The following CTDSPL variants were observed in gnomAD, a reference collection of about 807,000 sequenced individuals.
CTDSPL encodes the protein CTD small phosphatase-like protein.
A neutral mutation model predicts 30.5 loss-of-function variants in CTDSPL; 8 were observed. That is an observed-to-expected ratio of 0.26 (90% confidence interval 0.15 to 0.47). The LOEUF is 0.47. Ranked by LOEUF, CTDSPL falls within the 20% of genes least tolerant of loss-of-function variation. CTDSPL has a pLI of 0.99. For synonymous variants in CTDSPL, 110 were observed against 137.9 expected (o/e 0.80, Z 1.42); for missense variants, 248 against 366.1 (o/e 0.68, Z 2.63).
intron 2 of CTDSPL, among the ~76,000 whole-genome samples, chr3:37,952,708 A>G (rs955984281): frequency 6.6e-6 from 1 of 152,242 alleles, no homozygotes; most frequent in Non-Finnish European, 1.5e-5. Context: ...CATTTGTCAC[A>G]TGGCTATCCA....
In CTDSPL at chr3:37,919,397, T is replaced by C. The variant is rs953118625; in HGVS notation, c.80-27660T>C. Among the ~76,000 whole-genome samples, 8 of 152,264 alleles carry C rather than the reference T, an allele frequency of 5.3e-5. No individual in the cohort carries two copies. In the East Asian group the frequency reaches 1.5e-3, roughly 29 times the overall value. Reference sequence around the variant, plus strand: ...CAGCTTTCCCTTCTCAGAAAAACAGTATTGGAATTTTGCCTCAAGTTGATT... The same window carrying C: ...CAGCTTTCCCTTCTCAGAAAAACAGCATTGGAATTTTGCCTCAAGTTGATT... On this transcript the variant is annotated intron_variant, in intron 1 of 7. Transcript: ENST00000273179.
At chr3:37,931,573 C>A (rs1180347162) in intron 1 of CTDSPL, among the ~76,000 whole-genome samples, 1 of 152,060 alleles carries the variant, frequency 6.6e-6, no homozygotes, top group African/African-American at 2.4e-5. Context: ...TCTTACAGTT[C>A]TTTTGTTCTT....
At chr3:37,865,848 T>A (rs1698003215) in intron 1 of CTDSPL, among the ~76,000 whole-genome samples, 1 of 152,074 alleles carries the variant, frequency 6.6e-6, no homozygotes, top group South Asian at 2.1e-4. Context: ...TTGCTGATGT[T>A]TAATTGGCCA....
At chr3:37,920,753 T>C (rs1698702928) in intron 1 of CTDSPL, among the ~76,000 whole-genome samples, 1 of 152,272 alleles carries the variant, frequency 6.6e-6, no homozygotes, top group Non-Finnish European at 1.5e-5. Context: ...TCACCCATAG[T>C]AGTGCTTTCA....
chr3:37,948,546 T>C (rs1699069068), intron 2 of CTDSPL, among the ~76,000 whole-genome samples: 1 of 152,158 alleles, frequency 6.6e-6, no homozygotes, highest in African/African-American at 2.4e-5. Flanking sequence ...TGGTTCAGTC[T>C]TGTTGATATC....
chr3:37,904,175 A>C (rs1366997764), intron 1 of CTDSPL, among the ~76,000 whole-genome samples: 2 of 152,244 alleles, frequency 1.3e-5, no homozygotes, highest in African/African-American at 4.8e-5. Flanking sequence ...CCTTTCACTG[A>C]AACTTTGAAC....
chr3:37,967,683 C>T, intron 4 of CTDSPL, 143 bp from the exon 5 acceptor site: 3 of 584,846 alleles, frequency 5.1e-6, no homozygotes, highest in East Asian at 6.4e-5. Context: ...TTTTAAGGAA[C>T]CAAGGCATGC....
At chr3:37,970,953 G>A (rs1428964681) in intron 5 of CTDSPL, among the ~76,000 whole-genome samples, 1 of 152,178 alleles carries the variant, frequency 6.6e-6, no homozygotes. Context: ...ACAGAAGGTG[G>A]CAGCCGGAGC....
Position 37,983,323 on chromosome 3 carries a change from A to G in CTDSPL, c.*2456A>G, listed in dbSNP as rs530988091. ...TCTATATCTATATCTATATATTTTT[A>G]ATCATCTACATGTAAATGAAGCAAT... On this transcript the variant is annotated 3_prime_UTR_variant, in exon 8 of 8. Transcript: ENST00000273179. The G allele has an allele frequency of 6.5e-6, 1 of 152,690 alleles. No individual in the cohort carries two copies. Among genetic ancestry groups the G allele is most frequent in the East Asian group, 1.9e-4 (1 of 5,190 alleles). 9.5% of individuals were successfully genotyped at this position (152,690 alleles called of 1,614,324 possible). A position where few individuals can be genotyped will look rare whatever the true frequency, so the allele number is the denominator to read the frequency against.
At chr3:37,907,980 A>G (rs1238795487) in intron 1 of CTDSPL, among the ~76,000 whole-genome samples, 1 of 152,224 alleles carries the variant, frequency 6.6e-6, no homozygotes, top group African/African-American at 2.4e-5. Context: ...ATGCAAAACA[A>G]ACAGAAAGTC....
At chr3:37,863,924 A>G (rs185371845) in intron 1 of CTDSPL, among the ~76,000 whole-genome samples, 1 of 152,304 alleles carries the variant, frequency 6.6e-6, no homozygotes, top group African/African-American at 2.4e-5. Flanking sequence ...TGCCTTTCAG[A>G]TGGTCTAAAA....
At chr3:37,943,539 C>T (rs186397278) in intron 1 of CTDSPL, among the ~76,000 whole-genome samples, 1 of 150,332 alleles carries the variant, frequency 6.7e-6, no homozygotes, top group East Asian at 1.9e-4. Flanking sequence ...AAAATCGTTA[C>T]GGAATATTTT....
intron 1 of CTDSPL, among the ~76,000 whole-genome samples, chr3:37,871,538 T>C (rs1039244548): frequency 6.6e-6 from 1 of 152,248 alleles, no homozygotes; most frequent in African/African-American, 2.4e-5. Flanking sequence ...TGCCAAACTG[T>C]GTTCCAAAGT....
intron 1 of CTDSPL, among the ~76,000 whole-genome samples, chr3:37,865,754 T>A (rs9883706): frequency 0.26 from 40,238 of 152,066 alleles, 6,284 homozygotes; most frequent in African/African-American, 0.42. Flanking sequence ...CCTTTAGGGC[T>A]GGAAAAAGAG....
chr3:37,877,042 G>T (rs890547784), intron 1 of CTDSPL, among the ~76,000 whole-genome samples: 26 of 149,770 alleles, frequency 1.7e-4, no homozygotes, highest in Admixed American at 2.0e-4. Flanking sequence ...GGAGGCAAAG[G>T]TTGCAGTGAA....
chr3:37,946,539 A>G (rs185823521), intron 1 of CTDSPL, among the ~76,000 whole-genome samples: 2 of 152,310 alleles, frequency 1.3e-5, no homozygotes, highest in East Asian at 3.9e-4. Context: ...GTGCCTTTAC[A>G]TATCTCATTT....
chr3:37,944,001 G>A (rs77558910), intron 1 of CTDSPL, among the ~76,000 whole-genome samples: 1 of 150,262 alleles, frequency 6.7e-6, no homozygotes, highest in African/African-American at 2.4e-5. Flanking sequence ...CTTCTGCAAG[G>A]CTGAGAACAC....
At position 37,888,514 on chromosome 3, in the gene CTDSPL, G is replaced by A. The variant is rs1698287765; in HGVS notation, c.79+26236G>A. On this transcript the variant is annotated intron_variant, in intron 1 of 7. Transcript: ENST00000273179. ...GGGTGTCAGAAAGCAGGTTGCAGTA[G>A]CTTACTTCTGTTTTTGGGTAGGAGA... 2.0e-5 allele frequency among the ~76,000 whole-genome samples: 3 copies of A among 152,260 alleles called. No homozygotes were observed. The South Asian group carries it at 6.2e-4, about 32-fold the overall frequency.
intron 2 of CTDSPL, among the ~76,000 whole-genome samples, chr3:37,952,209 A>G (rs1263311850): frequency 6.6e-6 from 1 of 152,132 alleles, no homozygotes; most frequent in Admixed American, 6.6e-5. Context: ...GAAAGAAGGA[A>G]TGAAAGGAGA....
Sources: allele counts gnomAD v4.1 joint callset (sites outside exome capture counted in the v4.1 genomes callset), GRCh38; gene constraint gnomAD v4.1.1; transcripts MANE v1.5; gene names NCBI Gene and HGNC (gene_info 2026-07-23, HGNC 2026-07-21).